Variants in TANC2 observed in about 807,000 individuals in gnomAD.
TANC2 encodes the protein protein TANC2.
Under a neutral mutation model 210.5 loss-of-function variants are expected in TANC2, and 26 were observed. The observed-to-expected ratio is 0.12, with a 90% confidence interval of 0.09 to 0.17. The LOEUF is 0.17. Ranked by LOEUF, TANC2 falls within the 10% of genes least tolerant of loss-of-function variation. The probability of loss-of-function intolerance (pLI) is 1.00; values close to 1 mark genes in which losing one functional copy is unlikely to be tolerated. For missense variants in TANC2, 2,129 were observed against 2,608.9 expected (o/e 0.82, Z 4.01); for synonymous variants, 931 against 967.1 (o/e 0.96, Z 0.69).
At chr17:63,098,513 G>GTATA (rs779741664) in intron 3 of TANC2, among the ~76,000 whole-genome samples, 9,711 of 125,316 alleles carry the variant, frequency 0.077, 1,296 homozygotes, top group African/African-American at 0.26. Context: ...CTCTCTCTGT[G>GTATA]TGTATATATA....
At chr17:63,357,211 G>A (rs1249574719) in intron 14 of TANC2, among the ~76,000 whole-genome samples, 1 of 152,196 alleles carries the variant, frequency 6.6e-6, no homozygotes, top group Non-Finnish European at 1.5e-5. Flanking sequence ...TTTGCTAGCT[G>A]ATCTGGGACC....
intron 9 of TANC2, among the ~76,000 whole-genome samples, chr17:63,299,026 G>C (rs1656770060): frequency 6.6e-6 from 1 of 152,020 alleles, no homozygotes; most frequent in African/African-American, 2.4e-5. Context: ...TGCAGTGTTT[G>C]GTTTTCTGTT....
At position 63,168,586 on chromosome 17, in the gene TANC2, T is replaced by C. The variant is rs577328858; in HGVS notation, c.433+17206T>C. 2.0e-5 allele frequency among the ~76,000 whole-genome samples: 3 copies of C among 152,326 alleles called. No individual in the cohort carries two copies. The East Asian group carries it at 5.8e-4, about 29-fold the overall frequency. On this transcript the variant is annotated intron_variant, in intron 5 of 27. Coordinates refer to ENST00000689528, the Ensembl canonical transcript of TANC2. ...ATCCAAAAACTGGTAAGCCAGCATATACTTAAAAATTAGAATGCCTTCAGG... is the reference window on the plus strand; with the variant it reads ...ATCCAAAAACTGGTAAGCCAGCATACACTTAAAAATTAGAATGCCTTCAGG...
chr17:63,287,680 G>GTA (rs1447656400), intron 9 of TANC2, among the ~76,000 whole-genome samples: 1 of 120,112 alleles, frequency 8.3e-6, no homozygotes, highest in East Asian at 2.0e-4. Context: ...TGAATGTCCT[G>GTA]TATATATTTT....
chr17:63,082,818 C>CT (rs1169746300), intron 3 of TANC2, among the ~76,000 whole-genome samples: 1 of 152,134 alleles, frequency 6.6e-6, no homozygotes, highest in Non-Finnish European at 1.5e-5. Flanking sequence ...CTGAGACTGA[C>CT]TGAGTCCCCA....
chr17:63,321,509 A>G (rs1340325933), intron 11 of TANC2, among the ~76,000 whole-genome samples: 1 of 152,136 alleles, frequency 6.6e-6, no homozygotes, highest in Admixed American at 6.5e-5. Flanking sequence ...TGACCATAGA[A>G]CATTAAGATG....
At chr17:63,185,937 A>G (rs746491942) in intron 5 of TANC2, among the ~76,000 whole-genome samples, 1 of 152,090 alleles carries the variant, frequency 6.6e-6, no homozygotes, top group African/African-American at 2.4e-5. Flanking sequence ...GACTTTGCCA[A>G]TCTTTTTTCT....
At chr17:63,082,397 AG>A (rs1281479155) in intron 3 of TANC2, among the ~76,000 whole-genome samples, 2 of 152,168 alleles carry the variant, frequency 1.3e-5, no homozygotes, top group African/African-American at 4.8e-5. Flanking sequence ...TCATATGAAG[AG>A]CAGTTGGTTT....
In TANC2 at chr17:63,109,597, T is replaced by C. The variant is rs140278165; in HGVS notation, c.322+10240T>C. Among the ~76,000 whole-genome samples the C allele has an allele frequency of 2.6e-5, 4 of 151,788 alleles. No individual in the cohort carries two copies. In the East Asian group the frequency reaches 7.7e-4, roughly 29 times the overall value. ...TAGCTAAACTTACAAGTAATAATTA[T>C]AATAATAGTAGTAGTAATTAAAGAT... On this transcript the variant is annotated intron_variant, in intron 4 of 27. Coordinates refer to ENST00000689528, the Ensembl canonical transcript of TANC2.
intron 24 of TANC2, 109 bp from the exon 25 acceptor site, chr17:63,413,434 C>G (rs992235690): frequency 1.3e-6 from 1 of 744,850 alleles, no homozygotes. Context: ...AATTGTGGAG[C>G]AAGTTGTTCT....
At chr17:63,415,273 T>C (rs985902487) in intron 25 of TANC2, among the ~76,000 whole-genome samples, 4 of 152,238 alleles carry the variant, frequency 2.6e-5, no homozygotes, top group African/African-American at 9.6e-5. Flanking sequence ...GGGCCTTCCA[T>C]TTGCCAAGGC....
At chr17:63,209,655 G>A (rs1170654801) in intron 7 of TANC2, among the ~76,000 whole-genome samples, 2 of 151,576 alleles carry the variant, frequency 1.3e-5, no homozygotes, top group African/African-American at 2.4e-5. Flanking sequence ...GGCTGGTCTC[G>A]AACTCCTGAC....
intron 1 of TANC2, among the ~76,000 whole-genome samples, chr17:62,989,911 C>T (rs1037813874): frequency 6.6e-6 from 1 of 151,612 alleles, no homozygotes; most frequent in African/African-American, 2.4e-5. Flanking sequence ...GCTGGGACTA[C>T]AGGTGCGCAC....
intron 13 of TANC2, among the ~76,000 whole-genome samples, chr17:63,353,498 A>G (rs1373692425): frequency 6.6e-6 from 1 of 152,130 alleles, no homozygotes; most frequent in East Asian, 1.9e-4. Context: ...GTAAATGTTG[A>G]GTAGACAGAT....
chr17:63,170,375 C>T (rs2040362830), intron 5 of TANC2, among the ~76,000 whole-genome samples: 2 of 149,814 alleles, frequency 1.3e-5, no homozygotes, highest in African/African-American at 4.9e-5. Flanking sequence ...GCAGAGCTTG[C>T]AGTAAGCCGA....
chr17:63,328,568 T>C (rs1347568673), intron 11 of TANC2, among the ~76,000 whole-genome samples: 3 of 151,816 alleles, frequency 2.0e-5, no homozygotes, highest in South Asian at 2.1e-4. Flanking sequence ...TTCTTATATG[T>C]GGAATCTAAA....
chr17:63,389,071 A>G (rs2047878371), intron 16 of TANC2, among the ~76,000 whole-genome samples: 3 of 152,218 alleles, frequency 2.0e-5, no homozygotes, highest in Non-Finnish European at 1.5e-5. Flanking sequence ...CGTAGAGACT[A>G]TGTTCAGCAC....
intron 6 of TANC2, among the ~76,000 whole-genome samples, chr17:63,197,968 C>A (rs932225297): frequency 2.6e-5 from 4 of 152,222 alleles, no homozygotes; most frequent in Admixed American, 6.5e-5. Flanking sequence ...TTAAGCTTTG[C>A]GTTTACAGTT....
chr17:63,167,097 G>T (rs1176423751), intron 5 of TANC2, among the ~76,000 whole-genome samples: 1 of 152,136 alleles, frequency 6.6e-6, no homozygotes, highest in Non-Finnish European at 1.5e-5. Flanking sequence ...TGTAATTCTT[G>T]TGCACACAGT....
Sources: allele counts gnomAD v4.1 joint callset (sites outside exome capture counted in the v4.1 genomes callset), GRCh38; gene constraint gnomAD v4.1.1; transcripts MANE v1.5; gene names NCBI Gene and HGNC (gene_info 2026-07-23, HGNC 2026-07-21).